The following ADGRL3 variants were observed in gnomAD, a reference collection of about 807,000 sequenced individuals.
ADGRL3 encodes the protein adhesion G protein-coupled receptor L3.
In ADGRL3, 62 loss-of-function variants were observed where a neutral mutation model predicts 153.5. That is an observed-to-expected ratio of 0.40 (90% CI 0.33 to 0.50). The LOEUF is 0.50. Ranked by LOEUF, ADGRL3 falls within the 20% of genes least tolerant of loss-of-function variation. ADGRL3 has a pLI of 0.47. For synonymous variants in ADGRL3, 710 were observed against 672.5 expected (o/e 1.06, Z -0.86); for missense variants, 1,641 against 1,859.4 (o/e 0.88, Z 2.16).
chr4:61,927,219 C>T (rs2098798136), intron 13 of ADGRL3, among the ~76,000 whole-genome samples: 1 of 152,092 alleles, frequency 6.6e-6, no homozygotes, highest in South Asian at 2.1e-4. Context: ...ATTAGGTTAG[C>T]AAGGAGTTTA....
chr4:61,857,678 TCTTC>T (rs2098292237), intron 9 of ADGRL3, among the ~76,000 whole-genome samples: 1 of 150,988 alleles, frequency 6.6e-6, no homozygotes, highest in South Asian at 2.1e-4. Context: ...TTCCTTTCTT[TCTTC>T]CTTCCTTTCT....
chr4:61,990,805 G>A (rs2099100931), intron 19 of ADGRL3, among the ~76,000 whole-genome samples: 1 of 151,738 alleles, frequency 6.6e-6, no homozygotes, highest in Non-Finnish European at 1.5e-5. Flanking sequence ...GCCACAGAGA[G>A]TTTGGAGTCA....
intron 2 of ADGRL3, among the ~76,000 whole-genome samples, chr4:61,488,498 G>C (rs139019548): frequency 2.1e-3 from 317 of 152,028 alleles, no homozygotes; most frequent in Middle Eastern, 6.8e-3. Flanking sequence ...CTTATGTAGG[G>C]TATTGCAGGG....
At position 62,023,283 on chromosome 4, in the gene ADGRL3, A is replaced by G. The variant is rs1354696027; in HGVS notation, c.3396-5572A>G. 2.6e-5 allele frequency among the ~76,000 whole-genome samples: 4 copies of G among 152,188 alleles called. No homozygotes were observed. In the South Asian group the frequency reaches 8.3e-4, roughly 31 times the overall value. ...GTGAATAAATTTCTGCAATCTCATC[A>G]TCAAATTTTAATATGTGAAGAGTTG... On this transcript the variant is annotated intron_variant, in intron 21 of 26. Coordinates refer to ENST00000683033, the MANE Select transcript of ADGRL3 (RefSeq NM_001387552.1).
At chr4:61,641,402 C>T (rs990412139) in intron 5 of ADGRL3, among the ~76,000 whole-genome samples, 4 of 151,380 alleles carry the variant, frequency 2.6e-5, no homozygotes, top group African/African-American at 4.9e-5. Flanking sequence ...CCTCCTCTAG[C>T]GTTAGGTATA....
chr4:61,314,887 A>T (rs1304029387), intron 1 of ADGRL3, among the ~76,000 whole-genome samples: 1 of 152,184 alleles, frequency 6.6e-6, no homozygotes, highest in Non-Finnish European at 1.5e-5. Flanking sequence ...AATTATGTTT[A>T]TTAGCTATTT....
chr4:61,813,965 A>G, intron 9 of ADGRL3, 76 bp downstream of exon 9: 1 of 1,562,938 alleles, frequency 6.4e-7, no homozygotes, highest in Non-Finnish European at 8.7e-7. Context: ...GTACATATGT[A>G]TTTTGTAATG....
intron 17 of ADGRL3, among the ~76,000 whole-genome samples, chr4:61,974,120 A>T (rs1248373405): frequency 2.6e-5 from 4 of 151,720 alleles, no homozygotes; most frequent in African/African-American, 9.7e-5. Flanking sequence ...GGCACCCTCC[A>T]CCCTGTCCAG....
chr4:61,404,114 G>A (rs2152165868), intron 2 of ADGRL3, among the ~76,000 whole-genome samples: 1 of 152,070 alleles, frequency 6.6e-6, no homozygotes, highest in South Asian at 2.1e-4. Context: ...ATAATAGTTA[G>A]CAAGTTTCTG....
chr4:61,881,922 A>C (rs997164674), intron 9 of ADGRL3, among the ~76,000 whole-genome samples: 1 of 152,318 alleles, frequency 6.6e-6, no homozygotes, highest in East Asian at 1.9e-4. Flanking sequence ...AATCTATACC[A>C]ATTCAACTAC....
At chr4:61,727,473 G>A (rs1372511231) in intron 6 of ADGRL3, among the ~76,000 whole-genome samples, 2 of 152,084 alleles carry the variant, frequency 1.3e-5, no homozygotes, top group Non-Finnish European at 2.9e-5. Flanking sequence ...CCAGAATTCA[G>A]GATATTGGAC....
intron 4 of ADGRL3, among the ~76,000 whole-genome samples, chr4:61,573,176 A>G (rs982877012): frequency 5.3e-5 from 8 of 152,010 alleles, no homozygotes; most frequent in African/African-American, 1.7e-4. Context: ...ATTTGAAAGA[A>G]TAACCCCATT....
chr4:61,300,881 C>T (rs1056140420), intron 1 of ADGRL3, among the ~76,000 whole-genome samples: 2 of 151,588 alleles, frequency 1.3e-5, no homozygotes, highest in Non-Finnish European at 2.9e-5. Context: ...TTGTCTGCCA[C>T]AGCCTCCCGA....
Position 61,946,810 on chromosome 4 carries a change from T to G in ADGRL3, c.2420-104T>G, listed in dbSNP as rs926736381. 1.2e-4 allele frequency: 104 copies of G among 869,072 alleles called. 2 individuals carry two copies. In the Middle Eastern group the frequency reaches 7.7e-3, roughly 65 times the overall value. The allele number at this position is 869,072 out of a possible 1,614,324, so 53.8% of individuals were successfully genotyped here. A position where few individuals can be genotyped will look rare whatever the true frequency, so the allele number is the denominator to read the frequency against. On this transcript the variant is annotated intron_variant, in intron 15 of 26. Coordinates refer to ENST00000683033, the MANE Select transcript of ADGRL3 (RefSeq NM_001387552.1). ...TACTTTGGTTGAAATGAATGCTGGA[T>G]TTTTTGTGTGAATACATACTACATG...
chr4:61,933,048 T>C (rs530255130), intron 13 of ADGRL3, among the ~76,000 whole-genome samples: 1 of 151,806 alleles, frequency 6.6e-6, no homozygotes, highest in Admixed American at 6.6e-5. Context: ...AATTTCCCCT[T>C]AGGTAAGATT....
chr4:61,829,608 CT>C (rs1384057234), intron 9 of ADGRL3, among the ~76,000 whole-genome samples: 5 of 152,112 alleles, frequency 3.3e-5, no homozygotes, highest in Non-Finnish European at 7.4e-5. Flanking sequence ...TAGAGATCTG[CT>C]ATACAATAAT....
intron 8 of ADGRL3, among the ~76,000 whole-genome samples, chr4:61,805,554 T>A (rs2097544639): frequency 1.3e-5 from 2 of 152,176 alleles, no homozygotes; most frequent in South Asian, 4.1e-4. Flanking sequence ...AATATTATTT[T>A]TCCAGCACCA....
At chr4:61,351,212 G>A (rs1028918408) in intron 1 of ADGRL3, among the ~76,000 whole-genome samples, 5 of 152,192 alleles carry the variant, frequency 3.3e-5, no homozygotes, top group Admixed American at 6.5e-5. Flanking sequence ...TAATCCAGGG[G>A]AAGGCCCTCA....
intron 2 of ADGRL3, among the ~76,000 whole-genome samples, chr4:61,428,841 ATCTATCTATC>A (rs1486718818): frequency 8.3e-6 from 1 of 120,718 alleles, no homozygotes; most frequent in African/African-American, 2.9e-5. Context: ...TTATCTATCT[ATCTATCTATC>A]TATCTATCTA....
Sources: allele counts gnomAD v4.1 joint callset (sites outside exome capture counted in the v4.1 genomes callset), GRCh38; gene constraint gnomAD v4.1.1; transcripts MANE v1.5; gene names NCBI Gene and HGNC (gene_info 2026-07-23, HGNC 2026-07-21).